GLIS1: variants seen among roughly 807,000 people sequenced by gnomAD.
GLIS1 encodes the protein zinc finger protein GLIS1.
Under a neutral mutation model 63.8 loss-of-function variants are expected in GLIS1, and 24 were observed. The observed-to-expected ratio is 0.38, with a 90% CI of 0.27 to 0.53. GLIS1 has a LOEUF of 0.53. Among genes scored for constraint, GLIS1 ranks in the 20% least tolerant of loss-of-function variants. The probability of loss-of-function intolerance (pLI) is 0.85; values close to 1 mark genes in which losing one functional copy is unlikely to be tolerated. For synonymous variants in GLIS1, 450 were observed against 482.5 expected (o/e 0.93, Z 0.88); for missense variants, 1,036 against 1,074.1 (o/e 0.96, Z 0.50).
chr1:53,507,190 C>T (rs559685677), intron 10 of GLIS1, among the ~76,000 whole-genome samples: 1 of 152,286 alleles, frequency 6.6e-6, no homozygotes, highest in South Asian at 2.1e-4. Context: ...CCCAACCAGA[C>T]TCAAGAAACT....
At chr1:53,550,576 C>T (rs138343287) in intron 4 of GLIS1, among the ~76,000 whole-genome samples, 12 of 152,250 alleles carry the variant, frequency 7.9e-5, no homozygotes, top group Non-Finnish European at 1.8e-4. Context: ...CTATGAGTGG[C>T]GGAAGATAAG....
At chr1:53,542,539 C>T (rs1436391694) in intron 4 of GLIS1, among the ~76,000 whole-genome samples, 1 of 152,190 alleles carries the variant, frequency 6.6e-6, no homozygotes, top group Admixed American at 6.5e-5. Flanking sequence ...AGATGGCTGG[C>T]TGCTCAGCAG....
rs552053709 is a variant in GLIS1 at position 53,671,240 on chromosome 1, T to C, written c.259+66566A>G. Among the ~76,000 whole-genome samples the C allele has an allele frequency of 9.3e-4, 142 of 152,340 alleles. 3 individuals carry two copies. Among genetic ancestry groups the C allele is most frequent in the South Asian group, 6.2e-4 (3 of 4,826 alleles). ...ACAGGAAAGTGAAAACCTGTCTTAG[T>C]AGCAGGGGATATTTTTAAAGGATAG... On this transcript the variant is annotated intron_variant, in intron 2 of 10. Transcript: ENST00000628545.
chr1:53,651,355 C>T (rs1185801355), intron 2 of GLIS1, among the ~76,000 whole-genome samples: 2 of 152,208 alleles, frequency 1.3e-5, no homozygotes, highest in African/African-American at 2.4e-5. Context: ...CAAACTGATA[C>T]TAATAAGGGC....
intron 2 of GLIS1, among the ~76,000 whole-genome samples, chr1:53,685,680 CTCACCCTCAGCTT>C (rs1373717701): frequency 6.6e-6 from 1 of 152,168 alleles, no homozygotes; most frequent in African/African-American, 2.4e-5. Context: ...GACTGTCTCC[CTCACCCTCAGCTT>C]TCACATCCAG....
In GLIS1 at chr1:53,514,703, C is replaced by G; in HGVS notation, c.1805G>C (p.Arg602Thr). Residue 602 changes from arginine (R) to threonine (T), a missense_variant, in exon 8 of 11, where the codon AGG (arginine) becomes ACG (threonine). Around this residue, in one of 3 missense-constraint regions of GLIS1, gnomAD observed 400 missense variants for 400.9 expected, o/e 1.00. Transcript: ENST00000628545. ...GGTGGTGGCATCCAGCGGGTGGTGC[C>G]TGGAAGGTACGTCGTGCGCTGGGGG... ...LLPPAHDVPS[R>T]HHPLDATTSS... 3 of 1,613,764 alleles carry G rather than the reference C, an allele frequency of 1.9e-6. No homozygotes were observed. The highest frequency in any genetic ancestry group is 2.5e-6 in the Non-Finnish European group (3 of 1,179,922).
rs1484285904 is a variant in GLIS1, at chr1:53,646,370, T to C, written c.260-46092A>G. ...GTTAATTTGACAAGGTCAGTAGATA[T>C]AACAGGAACACTCAAAACTCAATTA... On this transcript the variant is annotated intron_variant, in intron 2 of 10. Coordinates refer to ENST00000628545, the MANE Select transcript of GLIS1 (RefSeq NM_001367484.1). The surrounding 1 kb of genome is among the most constrained non-coding windows in gnomAD (Gnocchi z 4.2). 6.6e-6 allele frequency among the ~76,000 whole-genome samples: 1 copy of C among 152,196 alleles called. No individual in the cohort carries two copies. The highest frequency in any genetic ancestry group is 1.5e-5 in the Non-Finnish European group (1 of 68,030).
chr1:53,683,763 G>A (rs1213814667), intron 2 of GLIS1, among the ~76,000 whole-genome samples: 3 of 152,178 alleles, frequency 2.0e-5, no homozygotes. Flanking sequence ...GGGAGGTACT[G>A]AGCAGCTGTC....
At chr1:53,533,385 CCT>C (rs1644550297) in intron 4 of GLIS1, among the ~76,000 whole-genome samples, 1 of 152,206 alleles carries the variant, frequency 6.6e-6, no homozygotes, top group Non-Finnish European at 1.5e-5. Context: ...TCCACGCACC[CCT>C]GTGAGTACAC....
intron 6 of GLIS1, among the ~76,000 whole-genome samples, chr1:53,523,568 C>G (rs919630419): frequency 6.6e-6 from 1 of 152,144 alleles, no homozygotes; most frequent in Non-Finnish European, 1.5e-5. Flanking sequence ...TGCCAGTGTC[C>G]CTGAGTTGGC....
At chr1:53,540,357 C>T (rs1461027431) in intron 4 of GLIS1, among the ~76,000 whole-genome samples, 1 of 152,142 alleles carries the variant, frequency 6.6e-6, no homozygotes, top group African/African-American at 2.4e-5. Flanking sequence ...AAAACGGTCT[C>T]TCCAGGCCTC....
chr1:53,597,479 A>G (rs1232357662), intron 3 of GLIS1, among the ~76,000 whole-genome samples: 2 of 152,070 alleles, frequency 1.3e-5, no homozygotes, highest in Non-Finnish European at 2.9e-5. Flanking sequence ...TGAGGACTGA[A>G]TACAAGAATG....
intron 7 of GLIS1, among the ~76,000 whole-genome samples, chr1:53,517,873 C>T (rs1021639009): frequency 2.0e-5 from 3 of 152,176 alleles, no homozygotes; most frequent in East Asian, 1.9e-4. Flanking sequence ...GGTGGGTGAC[C>T]GAGTGTGTGA....
At chr1:53,570,266 A>G (rs555419881) in intron 4 of GLIS1, among the ~76,000 whole-genome samples, 7 of 148,426 alleles carry the variant, frequency 4.7e-5, no homozygotes, top group African/African-American at 7.7e-5. Flanking sequence ...ACAGGCGAGC[A>G]CCATTCTTGG....
intron 2 of GLIS1, among the ~76,000 whole-genome samples, chr1:53,608,884 T>C (rs1439704017): frequency 2.6e-5 from 4 of 152,202 alleles, no homozygotes; most frequent in Non-Finnish European, 5.9e-5. Flanking sequence ...GCAGTTCTGT[T>C]TGATGACTCT....
intron 2 of GLIS1, among the ~76,000 whole-genome samples, chr1:53,675,591 G>A (rs1646202604): frequency 6.6e-6 from 1 of 152,236 alleles, no homozygotes. Context: ...GCAAGGAGCT[G>A]TGCAAACACA....
In GLIS1 at chr1:53,511,274, G is replaced by A. The variant is rs1383003676; in HGVS notation, c.1884-1247C>T. Among the ~76,000 whole-genome samples the A allele has an allele frequency of 4.6e-5, 7 of 152,218 alleles. No homozygotes were observed. Among genetic ancestry groups the A allele is most frequent in the Non-Finnish European group, 1.0e-4 (7 of 68,046 alleles). ...AGCGAATTCAATGTCACAGCTCCAG[G>A]TGACCTCGTGACCCTTGCCCACCCT... is the stretch of plus-strand genomic sequence containing the variant. On this transcript the variant is annotated intron_variant, in intron 8 of 10. Transcript: ENST00000628545. This position sits in a 1 kb window ranked among gnomAD's most constrained non-coding sequence, Gnocchi z 4.2.
At chr1:53,709,341 C>CATATATACATATATATACATATACATAT (rs1368599440) in intron 2 of GLIS1, among the ~76,000 whole-genome samples, 8 of 132,264 alleles carry the variant, frequency 6.0e-5, no homozygotes, top group African/African-American at 1.3e-4. Context: ...CATATATATA[C>CATATATACATATATATACATATACATAT]ATATATACAT....
intron 4 of GLIS1, among the ~76,000 whole-genome samples, chr1:53,584,837 A>C (rs1019319176): frequency 1.3e-5 from 2 of 152,178 alleles, no homozygotes; most frequent in Non-Finnish European, 2.9e-5. Context: ...GTGAGCACAC[A>C]AAGCCAGCTC....
Sources: allele counts gnomAD v4.1 joint callset (sites outside exome capture counted in the v4.1 genomes callset), GRCh38; gene constraint gnomAD v4.1.1; regional missense constraint gnomAD v4.1.1; non-coding constraint Gnocchi (gnomAD v3.1); transcripts MANE v1.5; gene names NCBI Gene and HGNC (gene_info 2026-07-23, HGNC 2026-07-21).